Variants in DEPP1 observed in about 807,000 individuals in gnomAD.
The protein encoded by DEPP1 is protein DEPP1.
For synonymous variants in DEPP1, 117 were observed against 113.6 expected (o/e 1.03, Z -0.19); for missense variants, 267 against 280.1 (o/e 0.95, Z 0.33).
intron 1 of DEPP1, 162 bp from the exon 2 acceptor site, chr10:44,978,217 T>A: frequency 4.9e-6 from 3 of 609,424 alleles, no homozygotes; most frequent in Non-Finnish European, 8.2e-6. Flanking sequence ...GGATCTTTTC[T>A]TCCTGTTCAG....
At position 44,977,857 on chromosome 10, in the gene DEPP1, C is replaced by T. The variant is rs1435044374; in HGVS notation, c.174G>A (p.Thr58=). Reference sequence around the variant, plus strand: ...GGGGTGGCCTGGGTTGGCCCTGGGCCGTGGCCTTGTCCAGCACAGAGGTGG... The same window carrying T: ...GGGGTGGCCTGGGTTGGCCCTGGGCTGTGGCCTTGTCCAGCACAGAGGTGG... ...AQPTSVLDKA[T]AQGQPRPPHR... is the part of the protein sequence containing the mutation. Residue 58 remains threonine (T), a synonymous_variant, in exon 2 of 2, where the codon ACG becomes ACA. Coordinates refer to ENST00000298295, the MANE Select transcript of DEPP1 (RefSeq NM_007021.4). 3.1e-6 allele frequency: 5 copies of T among 1,610,232 alleles called. No homozygotes were observed. The highest frequency in any genetic ancestry group is 1.7e-5 in the Admixed American group (1 of 59,324).
rs747770839 is a variant in DEPP1 at position 44,977,086 on chromosome 10, G to A, written c.*306C>T. 6 of 267,794 alleles carry A rather than the reference G, an allele frequency of 2.2e-5. No homozygotes were observed. Among genetic ancestry groups the A allele is most frequent in the Non-Finnish European group, 3.5e-5 (5 of 142,580 alleles). The allele number at this position is 267,794 out of a possible 1,614,324, so 16.6% of individuals were successfully genotyped here. A position where few individuals can be genotyped will look rare whatever the true frequency, so the allele number is the denominator to read the frequency against. On this transcript the variant is annotated 3_prime_UTR_variant, in exon 2 of 2. Coordinates refer to ENST00000298295, the MANE Select transcript of DEPP1 (RefSeq NM_007021.4). ...GGTTACACGTCAGAATGGCCTGGGA[G>A]GCAGGTGCCAGTAATTATCCCTATA...
In DEPP1 at chr10:44,977,323, C is replaced by G. The variant is rs1449636387; in HGVS notation, c.*69G>C. 1.3e-6 allele frequency: 2 copies of G among 1,497,282 alleles called. No homozygotes were observed. Among genetic ancestry groups the G allele is most frequent in the Non-Finnish European group, 1.8e-6 (2 of 1,120,814 alleles). 92.7% of individuals were successfully genotyped at this position (1,497,282 alleles called of 1,614,324 possible). ...TCAGAGACCTGCCAGGGGCAGTGACCACCATGGAGGAGACGAGAGGAGATG... is the reference window on the plus strand; with the variant it reads ...TCAGAGACCTGCCAGGGGCAGTGACGACCATGGAGGAGACGAGAGGAGATG... On this transcript the variant is annotated 3_prime_UTR_variant, in exon 2 of 2. Coordinates refer to ENST00000298295, the MANE Select transcript of DEPP1 (RefSeq NM_007021.4).
chr10:44,977,218 A>T lies in DEPP1; in HGVS notation c.*174T>A. 1 of 762,986 alleles carries T rather than the reference A, an allele frequency of 1.3e-6. No individual in the cohort carries two copies. The highest frequency in any genetic ancestry group is 2.1e-6 in the Non-Finnish European group (1 of 483,034). The allele number at this position is 762,986 out of a possible 1,614,324, so 47.3% of individuals were successfully genotyped here. ...TTGGTAACATCTCCTCATGTGAAAC[A>T]GGCTGTTATCATATTCAGAGGGGGT... On this transcript the variant is annotated 3_prime_UTR_variant, in exon 2 of 2. Transcript: ENST00000298295.
Position 44,977,490 on chromosome 10 carries a change from C to G in DEPP1, c.541G>C (p.Gly181Arg), listed in dbSNP as rs763856475. The G allele has an allele frequency of 6.2e-7, 1 of 1,613,018 alleles. No homozygotes were observed. Among genetic ancestry groups the G allele is most frequent in the African/African-American group, 1.3e-5 (1 of 74,938 alleles). Residue 181 changes from glycine (G) to arginine (R), a missense_variant, in exon 2 of 2, where the codon GGG becomes CGG. Gly to Arg is a moderately radical substitution (Grantham distance 125). Transcript: ENST00000298295. ...QSSDLRSWTF[G>R]QSAQAMASRH... ...GAGGCCATGGCTTGGGCAGACTGCC[C>G]AAAAGTCCAGCTTCTTAGGTCAGAG... is the stretch of plus-strand genomic sequence containing the variant.
rs1318183448 is a variant in DEPP1 at position 44,977,715 on chromosome 10, C to T, written c.316G>A (p.Asp106Asn). 3 of 1,611,518 alleles carry T rather than the reference C, an allele frequency of 1.9e-6. No individual in the cohort carries two copies. The highest frequency in any genetic ancestry group is 2.5e-6 in the Non-Finnish European group (3 of 1,179,216). ...LPMADTVDPL[D>N]WLFGESQEKQ... is the part of the protein sequence containing the mutation. ...TCCTGGGACTCCCCAAAAAGCCAGT[C>T]CAGGGGGTCCACAGTATCAGCCATG... Residue 106 changes from aspartate (D) to asparagine (N), a missense_variant, in exon 2 of 2, where the codon GAC becomes AAC. Transcript: ENST00000298295.
In DEPP1 at chr10:44,977,535, G is replaced by T. The variant is rs1470147735; in HGVS notation, c.496C>A (p.Pro166Thr). ...RMPGHSLARP[P>T]QDGQQSSDLR... ...TCAGAGCTCTGCTGCCCATCCTGCG[G>T]TGGTCTTGCCAGGGAATGCCCAGGC... is the stretch of plus-strand genomic sequence containing the variant. Residue 166 changes from proline to threonine, a missense_variant, in exon 2 of 2, where the codon CCG becomes ACG. Transcript: ENST00000298295. The T allele has an allele frequency of 1.2e-6, 2 of 1,613,490 alleles. No individual in the cohort carries two copies.
chr10:44,978,348 C>T lies in DEPP1; in HGVS notation c.-26+270G>A, dbSNP rs1841543796. 14 of 299,934 alleles carry T rather than the reference C, an allele frequency of 4.7e-5. No individual in the cohort carries two copies. The South Asian group carries it at 6.4e-4, about 14-fold the overall frequency. The allele number at this position is 299,934 out of a possible 1,614,324, so 18.6% of individuals were successfully genotyped here. On this transcript the variant is annotated intron_variant, in intron 1 of 1. Transcript: ENST00000298295. Reference sequence around the variant, plus strand: ...CTGGGTTTAAAACCAGGATCGGCCACGCACTGACCATGGGACCTTTGGCAA... The same window carrying T: ...CTGGGTTTAAAACCAGGATCGGCCATGCACTGACCATGGGACCTTTGGCAA...
rs1841483525 is a variant in DEPP1 at position 44,977,416 on chromosome 10, G to T, written c.615C>A (p.His205Gln). 1 of 1,596,742 alleles carries T rather than the reference G, an allele frequency of 6.3e-7. No individual in the cohort carries two copies. The highest frequency in any genetic ancestry group is 1.3e-5 in the African/African-American group (1 of 74,544). The change falls in exon 2 of 2, where the codon CAC becomes CAA. Residue 205 changes from histidine (H) to glutamine (Q), a missense_variant. Transcript: ENST00000298295. ...GTCAGAGTTCATGGATCACCGGGAG[G>T]TGCGAGTAGAGTGTTCTGAGGACAC... ...PSSVLRTLYS[H>Q]LPVIHEL
At position 44,978,044 on chromosome 10, in the gene DEPP1, G is replaced by A. The variant is rs768824459; in HGVS notation, c.-14C>T. The stretch of plus-strand genomic sequence containing the variant: ...CCGGGACCTCATCACTCTGGCGAGA[G>A]GAGGTGGCAACCTGTTGGGAAACAG... On this transcript the variant is annotated 5_prime_UTR_variant, in exon 2 of 2. Coordinates refer to ENST00000298295, the MANE Select transcript of DEPP1 (RefSeq NM_007021.4). 1 of 1,596,276 alleles carries A rather than the reference G, an allele frequency of 6.3e-7. No individual in the cohort carries two copies. Among genetic ancestry groups the A allele is most frequent in the Admixed American group, 1.9e-5 (1 of 53,868 alleles).
rs907473446 is a variant in DEPP1 at position 44,978,059 on chromosome 10, T to C, written c.-25-4A>G. The C allele has an allele frequency of 6.3e-7, 1 of 1,589,264 alleles. No homozygotes were observed. The highest frequency in any genetic ancestry group is 1.1e-5 in the South Asian group (1 of 87,958). ...TCTGGCGAGAGGAGGTGGCAACCTG[T>C]TGGGAAACAGAAGCCTGGTGGTGAG... On this transcript the variant is annotated splice_polypyrimidine_tract_variant and splice_region_variant and intron_variant, in intron 1 of 1. Coordinates refer to ENST00000298295, the MANE Select transcript of DEPP1 (RefSeq NM_007021.4).
In DEPP1 at chr10:44,977,409, C is replaced by G. The variant is rs1375167922; in HGVS notation, c.622G>C (p.Val208Leu). ...VLRTLYSHLP[V>L]IHEL ...GGGAGGGGTCAGAGTTCATGGATCA[C>G]CGGGAGGTGCGAGTAGAGTGTTCTG... Residue 208 changes from valine to leucine, a missense_variant, in exon 2 of 2, where the codon GTG becomes CTG. Coordinates refer to ENST00000298295, the MANE Select transcript of DEPP1 (RefSeq NM_007021.4). 6.3e-7 allele frequency: 1 copy of G among 1,588,624 alleles called. No homozygotes were observed. The highest frequency in any genetic ancestry group is 1.7e-5 in the Admixed American group (1 of 57,714).
In DEPP1 at chr10:44,977,880, T is replaced by A; in HGVS notation, c.151A>T (p.Thr51Ser). 1 of 1,612,146 alleles carries A rather than the reference T, an allele frequency of 6.2e-7. No individual in the cohort carries two copies. The highest frequency in any genetic ancestry group is 8.5e-7 in the Non-Finnish European group (1 of 1,179,510). The change falls in exon 2 of 2, where the codon ACC (threonine) becomes TCC (serine). Residue 51 changes from threonine to serine, a missense_variant. Physicochemically the swap from Thr to Ser is moderately conservative, Grantham distance 58. Transcript: ENST00000298295. The stretch of plus-strand genomic sequence containing the variant: ...GCCGTGGCCTTGTCCAGCACAGAGG[T>A]GGGCTGTGCCAGTCGAGATATAGAC... ...VRSISRLAQP[T>S]SVLDKATAQG...
rs1320396550 is a variant in DEPP1 at position 44,977,641 on chromosome 10, A to C, written c.390T>G (p.Ala130=). The C allele has an allele frequency of 6.2e-7, 1 of 1,612,986 alleles. No homozygotes were observed. The highest frequency in any genetic ancestry group is 1.1e-5 in the South Asian group (1 of 91,064). The part of the protein sequence containing the change: ...RDLPRRTGPS[A]GLWGPHRQMD... Reference sequence around the variant, plus strand: ...TCTGTCTATGTGGACCCCAGAGGCCAGCAGAGGGGCCAGTCCTCCTTGGCA... The same window carrying C: ...TCTGTCTATGTGGACCCCAGAGGCCCGCAGAGGGGCCAGTCCTCCTTGGCA... Residue 130 remains alanine, a synonymous_variant, in exon 2 of 2, where the codon GCT becomes GCG. Transcript: ENST00000298295.
At position 44,977,983 on chromosome 10, in the gene DEPP1, C is replaced by A; in HGVS notation, c.48G>T (p.Arg16=). 1 of 1,611,918 alleles carries A rather than the reference C, an allele frequency of 6.2e-7. No individual in the cohort carries two copies. The highest frequency in any genetic ancestry group is 8.5e-7 in the Non-Finnish European group (1 of 1,179,674). ...LLSVAHLPTI[R]ETTEEMLLGG... ...CAAGCAGCATCTCCTCCGTGGTCTC[C>A]CGAATTGTGGGCAGATGGGCCACGG... is the stretch of plus-strand genomic sequence containing the variant. Residue 16 remains arginine (R), a synonymous_variant, in exon 2 of 2, where the codon CGG becomes CGT. Coordinates refer to ENST00000298295, the MANE Select transcript of DEPP1 (RefSeq NM_007021.4).
In DEPP1 at chr10:44,977,407, C is replaced by G; in HGVS notation, c.624G>C (p.Val208=). ...VLRTLYSHLP[V]IHEL ...TGGGGAGGGGTCAGAGTTCATGGATCACCGGGAGGTGCGAGTAGAGTGTTC... is the reference window on the plus strand; with the variant it reads ...TGGGGAGGGGTCAGAGTTCATGGATGACCGGGAGGTGCGAGTAGAGTGTTC... Residue 208 remains valine (V), a synonymous_variant, in exon 2 of 2, where the codon GTG becomes GTC. Transcript: ENST00000298295. 6.3e-7 allele frequency: 1 copy of G among 1,585,538 alleles called. No individual in the cohort carries two copies. Among genetic ancestry groups the G allele is most frequent in the Non-Finnish European group, 8.6e-7 (1 of 1,162,778 alleles).
chr10:44,977,702 C>A lies in DEPP1; in HGVS notation c.329G>T (p.Gly110Val). The A allele has an allele frequency of 6.2e-7, 1 of 1,612,424 alleles. No individual in the cohort carries two copies. The highest frequency in any genetic ancestry group is 8.5e-7 in the Non-Finnish European group (1 of 1,179,636). The change falls in exon 2 of 2, where the codon GGG becomes GTG. Residue 110 changes from glycine to valine, a missense_variant. Gly to Val is a moderately radical substitution (Grantham distance 109). Transcript: ENST00000298295. ...DTVDPLDWLF[G>V]ESQEKQPSQR... ...GCTTGGCTGCTTTTCCTGGGACTCC[C>A]CAAAAAGCCAGTCCAGGGGGTCCAC...
rs1841466939 is a variant in DEPP1, at chr10:44,977,146, G to GT, written c.*245dup. ...AGAAACTGAGGAACACAGATGTTAAGTAAGTTGCTCAAGGTGATCAGCCAG... is the reference window on the plus strand; with the variant it reads ...AGAAACTGAGGAACACAGATGTTAAGTTAAGTTGCTCAAGGTGATCAGCCAG... On this transcript the variant is annotated 3_prime_UTR_variant, in exon 2 of 2. Transcript: ENST00000298295. 1 of 442,898 alleles carries GT rather than the reference G, an allele frequency of 2.3e-6. No individual in the cohort carries two copies. The allele number at this position is 442,898 out of a possible 1,614,324, so 27.4% of individuals were successfully genotyped here.
chr10:44,978,132 G>C, intron 1 of DEPP1, 77 bp from the exon 2 acceptor site: 1 of 1,395,268 alleles, frequency 7.2e-7, no homozygotes, highest in Non-Finnish European at 9.8e-7. Context: ...CACTCCTCTG[G>C]GGCTGCCTGT....
Sources: allele counts gnomAD v4.1 joint callset, GRCh38; gene constraint gnomAD v4.1.1; transcripts MANE v1.5; gene names NCBI Gene and HGNC (gene_info 2026-07-23, HGNC 2026-07-21).